The following AUTS2 variants were observed in gnomAD, a reference collection of about 807,000 sequenced individuals.
The protein encoded by AUTS2 is activator of transcription and developmental regulator AUTS2.
A neutral mutation model predicts 112.4 loss-of-function variants in AUTS2; 17 were observed. The ratio of observed to expected loss-of-function variants is 0.15; its 90% confidence interval spans 0.10 to 0.23. The LOEUF is 0.23. AUTS2 is among the 10% of genes least tolerant of loss of function. AUTS2 has a pLI of 1.00. For synonymous variants in AUTS2, 751 were observed against 702.7 expected (o/e 1.07, Z -1.09); for missense variants, 1,510 against 1,701.6 (o/e 0.89, Z 1.98).
chr7:69,621,828 GTATT>G (rs1793677560), intron 1 of AUTS2, among the ~76,000 whole-genome samples: 1 of 151,984 alleles, frequency 6.6e-6, no homozygotes, highest in Non-Finnish European at 1.5e-5. Context: ...TGAGGAGAAA[GTATT>G]TGAGGAAATA....
chr7:69,998,359 TA>T lies in AUTS2; in HGVS notation c.522+98873del, dbSNP rs112941250. Among the ~76,000 whole-genome samples, 429 of 145,744 alleles carry T rather than the reference TA, an allele frequency of 2.9e-3. 1 individual carries two copies. Among genetic ancestry groups the T allele is most frequent in the African/African-American group, 7.0e-3 (278 of 39,984 alleles). On this transcript the variant is annotated intron_variant, in intron 2 of 18. Transcript: ENST00000342771. ...ACCACACACCCAGCTATATTCACAT[TA>T]AAAAAAAAAAATCATCTGTAATTCT...
chr7:70,545,359 G>A (rs984065773), intron 5 of AUTS2, among the ~76,000 whole-genome samples: 4 of 152,208 alleles, frequency 2.6e-5, no homozygotes, highest in South Asian at 2.1e-4. Context: ...CCATCTCTTC[G>A]GAGAGAAAGT....
intron 6 of AUTS2, among the ~76,000 whole-genome samples, chr7:70,727,423 C>T (rs1787103891): frequency 6.6e-6 from 1 of 152,126 alleles, no homozygotes; most frequent in Admixed American, 6.5e-5. Context: ...AGTCTTGGTT[C>T]ACTGCAACCT....
At chr7:70,683,261 C>T (rs1262277139) in intron 5 of AUTS2, among the ~76,000 whole-genome samples, 1 of 142,068 alleles carries the variant, frequency 7.0e-6, no homozygotes, top group African/African-American at 2.5e-5. Context: ...AAGGACTTTG[C>T]AGTTTAGTTT....
At chr7:69,627,346 C>T (rs1794000787) in intron 1 of AUTS2, among the ~76,000 whole-genome samples, 1 of 152,030 alleles carries the variant, frequency 6.6e-6, no homozygotes, top group Non-Finnish European at 1.5e-5. Context: ...ACAAAATTAG[C>T]CAGGCGTGGT....
intron 4 of AUTS2, among the ~76,000 whole-genome samples, chr7:70,222,888 CTTT>C (rs200649101): frequency 6.1e-5 from 8 of 130,132 alleles, no homozygotes; most frequent in Admixed American, 1.6e-4. Flanking sequence ...TGGAAATTTG[CTTT>C]TTTTTTTTTT....
At chr7:69,684,175 G>T (rs1177076728) in intron 1 of AUTS2, among the ~76,000 whole-genome samples, 1 of 152,166 alleles carries the variant, frequency 6.6e-6, no homozygotes, top group Middle Eastern at 3.2e-3. Context: ...TCATGGGGAG[G>T]TGATTAGGTG....
chr7:69,823,136 T>C (rs958513362), intron 1 of AUTS2, among the ~76,000 whole-genome samples: 1 of 152,176 alleles, frequency 6.6e-6, no homozygotes, highest in African/African-American at 2.4e-5. Flanking sequence ...AACGAAGTCA[T>C]CATTCTATCC....
chr7:70,754,000 C>G (rs1400903738), intron 6 of AUTS2, among the ~76,000 whole-genome samples: 2 of 142,128 alleles, frequency 1.4e-5, no homozygotes, highest in African/African-American at 5.2e-5. Flanking sequence ...ATTAAAAATA[C>G]AAAAAAAAAA....
chr7:70,415,151 C>A (rs536895320), intron 4 of AUTS2, among the ~76,000 whole-genome samples: 1 of 152,350 alleles, frequency 6.6e-6, no homozygotes, highest in East Asian at 1.9e-4. Flanking sequence ...TTCTCATAGC[C>A]TTTCTCTGGC....
intron 1 of AUTS2, among the ~76,000 whole-genome samples, chr7:69,654,078 C>T (rs1039171538): frequency 2.0e-5 from 3 of 152,216 alleles, no homozygotes; most frequent in Non-Finnish European, 2.9e-5. Context: ...GTTGGTCTGG[C>T]GACCTTTGAG....
At chr7:70,172,254 C>G (rs1808742276) in intron 4 of AUTS2, among the ~76,000 whole-genome samples, 1 of 152,172 alleles carries the variant, frequency 6.6e-6, no homozygotes, top group African/African-American at 2.4e-5. Context: ...TCTATATCCT[C>G]AGTTCTTTTG....
chr7:70,742,927 C>T (rs1788203296), intron 6 of AUTS2, among the ~76,000 whole-genome samples: 1 of 152,182 alleles, frequency 6.6e-6, no homozygotes, highest in Admixed American at 6.5e-5. Context: ...GAAACCAAGG[C>T]TCTGCGAAGT....
intron 4 of AUTS2, among the ~76,000 whole-genome samples, chr7:70,295,888 T>A (rs1192136695): frequency 6.6e-6 from 1 of 152,208 alleles, no homozygotes; most frequent in Non-Finnish European, 1.5e-5. Context: ...AGCTAAGATA[T>A]TAACTCATCT....
intron 6 of AUTS2, among the ~76,000 whole-genome samples, chr7:70,759,516 A>G (rs1462893418): frequency 6.6e-6 from 1 of 152,236 alleles, no homozygotes; most frequent in Non-Finnish European, 1.5e-5. Flanking sequence ...GGAGTGCCGT[A>G]CAGATTTGCA....
At chr7:70,682,580 A>G (rs571048843) in intron 5 of AUTS2, among the ~76,000 whole-genome samples, 1 of 152,326 alleles carries the variant, frequency 6.6e-6, no homozygotes, top group East Asian at 1.9e-4. Context: ...GGTGGTGCCC[A>G]TGGATGTATC....
At chr7:70,605,311 A>G (rs1337846794) in intron 5 of AUTS2, among the ~76,000 whole-genome samples, 1 of 152,156 alleles carries the variant, frequency 6.6e-6, no homozygotes, top group Non-Finnish European at 1.5e-5. Flanking sequence ...CTACTGCTAA[A>G]TGAGACGAAT....
At chr7:70,556,781 C>T (rs1350874040) in intron 5 of AUTS2, among the ~76,000 whole-genome samples, 3 of 152,150 alleles carry the variant, frequency 2.0e-5, no homozygotes, top group African/African-American at 7.2e-5. Context: ...GTTCTGGATC[C>T]AAATGTCCAA....
In AUTS2 at chr7:70,766,649, G is replaced by A. The variant is rs762495976; in HGVS notation, c.1689+315G>A. Among the ~76,000 whole-genome samples, 23 of 152,174 alleles carry A rather than the reference G, an allele frequency of 1.5e-4. No individual in the cohort carries two copies. The highest frequency in any genetic ancestry group is 2.1e-4 in the Non-Finnish European group (14 of 68,032). ...GTTGTTTAGTTTTCTTGAACTTCCC[G>A]GGGGACTGTCACCAGGCAGAAAATG... On this transcript the variant is annotated intron_variant, in intron 9 of 18. Coordinates refer to ENST00000342771, the MANE Select transcript of AUTS2 (RefSeq NM_015570.4). This position sits in a 1 kb window ranked among gnomAD's most constrained non-coding sequence, Gnocchi z 4.8.
Sources: gnomAD v4.1 joint callset for allele counts (sites outside exome capture counted in the v4.1 genomes callset) on GRCh38, gnomAD v4.1.1 for gene constraint, Gnocchi (gnomAD v3.1) non-coding constraint, MANE v1.5 for transcripts, NCBI Gene and HGNC (gene_info 2026-07-23, HGNC 2026-07-21) for gene names.